EIF2S2: variants seen among roughly 807,000 people sequenced by gnomAD.
EIF2S2 encodes the protein eukaryotic translation initiation factor 2 subunit 2.
In EIF2S2, 4 loss-of-function variants were observed where a neutral mutation model predicts 44.0. The ratio of observed to expected loss-of-function variants is 0.09; its 90% CI spans 0.04 to 0.21. EIF2S2 has a LOEUF of 0.21. EIF2S2 is among the 10% of genes least tolerant of loss of function. The probability of loss-of-function intolerance (pLI) is 1.00; values close to 1 mark genes in which losing one functional copy is unlikely to be tolerated. For synonymous variants in EIF2S2, 108 were observed against 128.3 expected (o/e 0.84, Z 1.07); for missense variants, 154 against 392.0 (o/e 0.39, Z 5.13).
chr20:34,095,308 CTCT>C (rs1310721943), intron 6 of EIF2S2, among the ~76,000 whole-genome samples: 9 of 127,416 alleles, frequency 7.1e-5, no homozygotes, highest in Admixed American at 1.9e-4. Flanking sequence ...AGTTAGCTAC[CTCT>C]TTTTTTTTTT....
intron 3 of EIF2S2, 110 bp downstream of exon 3, chr20:34,103,352 C>G: frequency 7.2e-7 from 1 of 1,393,610 alleles, no homozygotes; most frequent in East Asian, 2.8e-5. Flanking sequence ...CAATTAAGTG[C>G]TAATAACAAA....
At chr20:34,108,349 TAACA>T (rs2034371855) in intron 1 of EIF2S2, 2 of 152,184 alleles carry the variant, frequency 1.3e-5, no homozygotes, top group South Asian at 4.1e-4. Context: ...TCTGGATACT[TAACA>T]TACATACTCA....
In EIF2S2 at chr20:34,089,880, G is replaced by A; in HGVS notation, c.852C>T (p.Cys284=). Residue 284 remains cysteine (C), a synonymous_variant, in exon 9 of 9, where the codon TGC becomes TGT. Coordinates refer to ENST00000374980, the MANE Select transcript of EIF2S2 (RefSeq NM_003908.5). ...YIKEYVTCHT[C]RSPDTILQKD... is the part of the protein sequence containing the mutation. ...TCTGCAGGATTGTGTCCGGTGATCGGCATGTGTGACAAGTGACATATTCCT... is the reference window on the plus strand; with the variant it reads ...TCTGCAGGATTGTGTCCGGTGATCGACATGTGTGACAAGTGACATATTCCT... The A allele has an allele frequency of 1.2e-6, 2 of 1,613,810 alleles. No homozygotes were observed. The highest frequency in any genetic ancestry group is 2.2e-5 in the South Asian group (2 of 91,034).
intron 2 of EIF2S2, among the ~76,000 whole-genome samples, chr20:34,104,694 CTAGAAA>C (rs1432661079): frequency 1.3e-5 from 2 of 152,280 alleles, no homozygotes; most frequent in East Asian, 3.9e-4. Flanking sequence ...ATGTTATAAA[CTAGAAA>C]TATTTTAGGA....
intron 2 of EIF2S2, among the ~76,000 whole-genome samples, chr20:34,103,921 G>C (rs551698775): frequency 1.3e-5 from 2 of 152,212 alleles, no homozygotes; most frequent in African/African-American, 4.8e-5. Flanking sequence ...ACGTTAGCCA[G>C]GATGGTCTCG....
chr20:34,099,538 A>G (rs2034272302), intron 3 of EIF2S2, among the ~76,000 whole-genome samples: 1 of 152,132 alleles, frequency 6.6e-6, no homozygotes, highest in Non-Finnish European at 1.5e-5. Context: ...CCAACCCTCC[A>G]ATGCCAGTTA....
intron 1 of EIF2S2, among the ~76,000 whole-genome samples, chr20:34,108,676 T>C (rs953101302): frequency 3.3e-5 from 5 of 152,238 alleles, no homozygotes; most frequent in African/African-American, 1.2e-4. Context: ...ATTTTCTATT[T>C]TCAACTTCTC....
intron 5 of EIF2S2, 90 bp downstream of exon 5, chr20:34,097,326 C>A: frequency 2.7e-6 from 3 of 1,122,636 alleles, no homozygotes; most frequent in Non-Finnish European, 3.9e-6. Flanking sequence ...TCAGTCATTA[C>A]TTCAACGGCC....
intron 5 of EIF2S2, 80 bp from the exon 6 acceptor site, chr20:34,096,885 A>G: frequency 7.1e-7 from 1 of 1,399,522 alleles, no homozygotes; most frequent in Non-Finnish European, 9.7e-7. Flanking sequence ...ATGTTGCTTA[A>G]CAGCAAATAC....
rs967228868 is a variant in EIF2S2, at chr20:34,102,752, CAT to C, written c.297+708_297+709del. Among the ~76,000 whole-genome samples, 73 of 152,226 alleles carry C rather than the reference CAT, an allele frequency of 4.8e-4. 1 individual carries two copies. Among genetic ancestry groups the C allele is most frequent in the African/African-American group, 1.5e-3 (63 of 41,534 alleles). On this transcript the variant is annotated intron_variant, in intron 3 of 8. Transcript: ENST00000374980. ...TATTATCTTGGGTTTTATAAATAGA[CAT>C]GTGGATTCTGCTAAAGTGATTCCTA... is the stretch of plus-strand genomic sequence containing the variant.
chr20:34,093,836 G>C, intron 6 of EIF2S2, 105 bp from the exon 7 acceptor site: 1 of 1,016,464 alleles, frequency 9.8e-7, no homozygotes. Context: ...TAGCTATTAA[G>C]TGAATTTCAC....
intron 1 of EIF2S2, among the ~76,000 whole-genome samples, chr20:34,106,494 T>C (rs951366393): frequency 4.6e-5 from 7 of 151,022 alleles, no homozygotes; most frequent in Admixed American, 2.0e-4. Flanking sequence ...TGCAGTGGCA[T>C]GATCTCAGCT....
At chr20:34,101,405 C>T (rs2034293754) in intron 3 of EIF2S2, among the ~76,000 whole-genome samples, 2 of 152,130 alleles carry the variant, frequency 1.3e-5, no homozygotes, top group African/African-American at 4.8e-5. Flanking sequence ...CACTGCACTC[C>T]AGCCTGGGCG....
At position 34,091,718 on chromosome 20, in the gene EIF2S2, C is replaced by CA. The variant is rs10714767; in HGVS notation, c.741-1117dup. Among the ~76,000 whole-genome samples, 448 of 102,828 alleles carry CA rather than the reference C, an allele frequency of 4.4e-3. 2 individuals carry two copies. Among genetic ancestry groups the CA allele is most frequent in the Non-Finnish European group, 6.9e-3 (368 of 53,608 alleles). The allele number at this position is 102,828 out of a possible 152,430, so 67.5% of individuals were successfully genotyped here. A position where few individuals can be genotyped will look rare whatever the true frequency, so the allele number is the denominator to read the frequency against. On this transcript the variant is annotated intron_variant, in intron 7 of 8. Coordinates refer to ENST00000374980, the MANE Select transcript of EIF2S2 (RefSeq NM_003908.5). ...TGGGCGACAGAGCACAACTCCATCT[C>CA]AAAAAAAAAAAAAAACCCCATTGGA... is the stretch of plus-strand genomic sequence containing the variant.
At chr20:34,108,690 TTTGA>T (rs1208283642) in intron 1 of EIF2S2, among the ~76,000 whole-genome samples, 1 of 152,184 alleles carries the variant, frequency 6.6e-6, no homozygotes, top group East Asian at 1.9e-4. Flanking sequence ...ACTTCTCACG[TTTGA>T]TTGGAGAGGG....
intron 2 of EIF2S2, among the ~76,000 whole-genome samples, chr20:34,103,784 G>A (rs2034320084): frequency 6.6e-6 from 1 of 151,358 alleles, no homozygotes; most frequent in Non-Finnish European, 1.5e-5. Context: ...TCAGCTCACT[G>A]CAACCTCTGC....
chr20:34,102,856 C>T (rs555526602), intron 3 of EIF2S2, among the ~76,000 whole-genome samples: 1 of 152,232 alleles, frequency 6.6e-6, no homozygotes, highest in South Asian at 2.1e-4. Context: ...ATCCACCTAC[C>T]CTCCCTCCTA....
In EIF2S2 at chr20:34,112,229, G is replaced by T. The variant is rs2034424312; in HGVS notation, c.-119C>A. On this transcript the variant is annotated 5_prime_UTR_variant, in exon 1 of 9. In the 5' UTR this introduces an upstream ATG that the reference lacks. Transcript: ENST00000374980. Reference sequence around the variant, plus strand: ...ACCACCGCACTAGGCTCTTGCATCAGCGAAAGGAAACGACACCCCGCCCTC... The same window carrying T: ...ACCACCGCACTAGGCTCTTGCATCATCGAAAGGAAACGACACCCCGCCCTC... The T allele has an allele frequency of 3.4e-6, 4 of 1,170,562 alleles. No individual in the cohort carries two copies. The highest frequency in any genetic ancestry group is 3.4e-6 in the Non-Finnish European group (3 of 883,308). The allele number at this position is 1,170,562 out of a possible 1,614,324, so 72.5% of individuals were successfully genotyped here. A position where few individuals can be genotyped will look rare whatever the true frequency, so the allele number is the denominator to read the frequency against.
chr20:34,107,642 T>C (rs1052363869), intron 1 of EIF2S2, among the ~76,000 whole-genome samples: 1 of 152,262 alleles, frequency 6.6e-6, no homozygotes, highest in Non-Finnish European at 1.5e-5. Flanking sequence ...ATTCAGGTGC[T>C]CTAATTTCCC....
Sources: gnomAD v4.1 joint callset for allele counts (sites outside exome capture counted in the v4.1 genomes callset) on GRCh38, gnomAD v4.1.1 for gene constraint, MANE v1.5 for transcripts, NCBI Gene and HGNC (gene_info 2026-07-23, HGNC 2026-07-21) for gene names.